PRKG1: variants seen among roughly 807,000 people sequenced by gnomAD.
PRKG1 encodes protein kinase cGMP-dependent 1.
A neutral mutation model predicts 88.1 loss-of-function variants in PRKG1; 35 were observed. The ratio of observed to expected loss-of-function variants is 0.40; its 90% confidence interval spans 0.30 to 0.53. The LOEUF (loss-of-function observed/expected upper bound fraction) is 0.53. Ranked by LOEUF, PRKG1 falls within the 20% of genes least tolerant of loss-of-function variation. The pLI is 0.59. For synonymous variants in PRKG1, 303 were observed against 292.5 expected, an observed-to-expected ratio of 1.04 and a Z score of -0.37; for missense variants, 540 against 839.8, an observed-to-expected ratio of 0.64 and a Z score of 4.41.
intron 3 of PRKG1, among the ~76,000 whole-genome samples, chr10:51,650,741 T>G (rs566674025): frequency 5.9e-5 from 9 of 152,332 alleles, no homozygotes; most frequent in Admixed American, 4.6e-4. Flanking sequence ...ATTCCTGTTG[T>G]CTTTCCCATT....
rs142645447 is a variant in PRKG1 at position 51,416,046 on chromosome 10, CA to C, written c.479-51676del. ...GAACTCATTATATTTAGATCGACAC[CA>C]CATGAGATCAGAAAATGATTGTATT... On this transcript the variant is annotated intron_variant, in intron 2 of 17. Coordinates refer to ENST00000373980, the MANE Select transcript of PRKG1 (RefSeq NM_006258.4). 4.7e-4 allele frequency among the ~76,000 whole-genome samples: 71 copies of C among 152,026 alleles called. 1 individual carries two copies. The East Asian group carries it at 0.012, about 25-fold the overall frequency.
At chr10:51,581,872 A>G (rs1589104437) in intron 3 of PRKG1, among the ~76,000 whole-genome samples, 1 of 152,110 alleles carries the variant, frequency 6.6e-6, no homozygotes, top group Non-Finnish European at 1.5e-5. Context: ...GGGTCTCCCT[A>G]CAAGTATTAC....
At chr10:51,315,163 C>CA (rs757133166) in intron 2 of PRKG1, among the ~76,000 whole-genome samples, 5 of 151,822 alleles carry the variant, frequency 3.3e-5, no homozygotes, top group Admixed American at 1.3e-4. Flanking sequence ...TTTTTGTAAT[C>CA]AAAAAAACTG....
At chr10:51,308,456 T>G (rs969301097) in intron 2 of PRKG1, among the ~76,000 whole-genome samples, 1 of 152,320 alleles carries the variant, frequency 6.6e-6, no homozygotes, top group Middle Eastern at 3.4e-3. Context: ...AAAAAGCACA[T>G]GGGCCTATTG....
chr10:51,764,478 T>C (rs1174726005), intron 3 of PRKG1, among the ~76,000 whole-genome samples: 4 of 152,158 alleles, frequency 2.6e-5, no homozygotes, highest in Admixed American at 1.3e-4. Flanking sequence ...TCAATCTTGC[T>C]CTGTGAATGT....
chr10:51,159,237 C>T (rs915183836), intron 2 of PRKG1, among the ~76,000 whole-genome samples: 2 of 151,998 alleles, frequency 1.3e-5, no homozygotes, highest in African/African-American at 2.4e-5. Flanking sequence ...ATGAGCCTTT[C>T]GATGTCAGAT....
intron 2 of PRKG1, among the ~76,000 whole-genome samples, chr10:51,456,547 T>C (rs1839591183): frequency 6.6e-6 from 1 of 151,710 alleles, no homozygotes; most frequent in Non-Finnish European, 1.5e-5. Flanking sequence ...AAAGAATTCA[T>C]GACAAAGAAC....
chr10:51,009,240 T>C (rs1423381516), intron 1 of PRKG1, among the ~76,000 whole-genome samples: 1 of 152,210 alleles, frequency 6.6e-6, no homozygotes, highest in African/African-American at 2.4e-5. Flanking sequence ...CAAATAGATA[T>C]ATTAGGATAA....
intron 10 of PRKG1, among the ~76,000 whole-genome samples, chr10:52,268,885 C>T (rs1841644416): frequency 6.6e-6 from 1 of 151,960 alleles, no homozygotes; most frequent in South Asian, 2.1e-4. Context: ...CATTTAGGAT[C>T]ATAATAACTG....
chr10:51,631,662 G>A (rs1448487099), intron 3 of PRKG1, among the ~76,000 whole-genome samples: 1 of 152,152 alleles, frequency 6.6e-6, no homozygotes, highest in Non-Finnish European at 1.5e-5. Flanking sequence ...TGATCATCAG[G>A]CATTAGATTC....
intron 2 of PRKG1, among the ~76,000 whole-genome samples, chr10:51,206,164 A>G (rs1838053690): frequency 6.6e-6 from 1 of 152,048 alleles, no homozygotes; most frequent in African/African-American, 2.4e-5. Context: ...TAAACACATC[A>G]TAAACTGTGA....
intron 2 of PRKG1, among the ~76,000 whole-genome samples, chr10:51,324,331 G>A (rs1841528964): frequency 6.6e-6 from 1 of 151,990 alleles, no homozygotes; most frequent in Admixed American, 6.6e-5. Context: ...GCTCCCACGT[G>A]TGAAAGGAAA....
chr10:51,352,837 A>C (rs1842280204), intron 2 of PRKG1, among the ~76,000 whole-genome samples: 1 of 152,178 alleles, frequency 6.6e-6, no homozygotes, highest in Admixed American at 6.6e-5. Flanking sequence ...AACTGGAGGA[A>C]TCATATTACC....
chr10:51,276,569 A>C (rs1316720843), intron 2 of PRKG1, among the ~76,000 whole-genome samples: 3 of 152,172 alleles, frequency 2.0e-5, no homozygotes, highest in Non-Finnish European at 4.4e-5. Context: ...GAACTAGTTT[A>C]CAGTCCCACC....
At chr10:51,977,459 G>A (rs775467831) in intron 5 of PRKG1, among the ~76,000 whole-genome samples, 4 of 152,016 alleles carry the variant, frequency 2.6e-5, no homozygotes, top group Non-Finnish European at 5.9e-5. Flanking sequence ...ATAGTAGAAT[G>A]ATTGATATTC....
intron 1 of PRKG1, among the ~76,000 whole-genome samples, chr10:51,103,304 T>C (rs904844138): frequency 6.6e-6 from 1 of 152,134 alleles, no homozygotes. Flanking sequence ...AGTGATGAAT[T>C]AGATCCACTA....
At chr10:51,349,836 A>G (rs1048045181) in intron 2 of PRKG1, among the ~76,000 whole-genome samples, 5 of 152,098 alleles carry the variant, frequency 3.3e-5, no homozygotes, top group African/African-American at 1.2e-4. Flanking sequence ...CTGAGTACAC[A>G]TTCTCTCTAG....
chr10:51,609,550 G>T (rs1423260569), intron 3 of PRKG1, among the ~76,000 whole-genome samples: 1 of 152,146 alleles, frequency 6.6e-6, no homozygotes, highest in Non-Finnish European at 1.5e-5. Flanking sequence ...TATGTTCATT[G>T]CAGCACTATT....
chr10:51,343,558 A>G (rs945331748), intron 2 of PRKG1, among the ~76,000 whole-genome samples: 2 of 152,178 alleles, frequency 1.3e-5, no homozygotes, highest in Non-Finnish European at 2.9e-5. Context: ...AATAATATAT[A>G]ATAACATAAT....
Sources: gnomAD v4.1 joint callset for allele counts (sites outside exome capture counted in the v4.1 genomes callset) on GRCh38, gnomAD v4.1.1 for gene constraint, MANE v1.5 for transcripts, NCBI Gene and HGNC (gene_info 2026-07-23, HGNC 2026-07-21) for gene names.